TSPEAR: variants seen among roughly 807,000 people sequenced by gnomAD.
TSPEAR encodes the protein thrombospondin type laminin G domain and EAR repeats, also known as thrombospondin-type laminin G domain and EAR repeat-containing protein.
In TSPEAR, 69 loss-of-function variants were observed where a neutral mutation model predicts 71.6. The observed-to-expected ratio is 0.96, with a 90% CI of 0.79 to 1.18. TSPEAR has a LOEUF of 1.18. TSPEAR is among the 50% of genes most tolerant of loss of function. The pLI is 0.00. For synonymous variants in TSPEAR, 402 were observed against 387.2 expected (o/e 1.04, Z -0.45); for missense variants, 971 against 894.9 (o/e 1.09, Z -1.09).
chr21:44,575,408 C>T (rs1385675509), intron 1 of TSPEAR: 1 of 235,180 alleles, frequency 4.3e-6, no homozygotes, highest in Admixed American at 5.2e-5. Context: ...GGCTGGAGCT[C>T]ACGGCCATGG....
chr21:44,504,992 G>T, intron 10 of TSPEAR, 111 bp from the exon 11 acceptor site: 2 of 752,904 alleles, frequency 2.7e-6, no homozygotes, highest in East Asian at 2.5e-5. Flanking sequence ...GGGCCAAAGT[G>T]GGGAGTGATT....
Position 44,531,068 on chromosome 21 carries a change from C to T in TSPEAR, c.608G>A (p.Arg203Gln), listed in dbSNP as rs781964053. 1.9e-5 allele frequency: 30 copies of T among 1,613,536 alleles called. No individual in the cohort carries two copies. The highest frequency in any genetic ancestry group is 3.3e-5 in the Admixed American group (2 of 59,996). ...VKGARFFVGS[R>Q]RRAKGLFMGL... Reference sequence around the variant, plus strand: ...CATGAACAGGCCTTTGGCTCTCCTCCGGCTGCCGACGAAGAATCGAGCTCC... The same window carrying T: ...CATGAACAGGCCTTTGGCTCTCCTCTGGCTGCCGACGAAGAATCGAGCTCC... The change falls in exon 4 of 12, where the codon CGG becomes CAG. Residue 203 changes from arginine to glutamine, a missense_variant. Coordinates refer to ENST00000323084, the MANE Select transcript of TSPEAR (RefSeq NM_144991.3).
intron 1 of TSPEAR, among the ~76,000 whole-genome samples, chr21:44,628,802 G>C (rs1983072277): frequency 6.6e-6 from 1 of 152,204 alleles, no homozygotes; most frequent in African/African-American, 2.4e-5. Flanking sequence ...CACTCGGAGA[G>C]AGCTTGGCCA....
intron 1 of TSPEAR, among the ~76,000 whole-genome samples, chr21:44,700,838 C>T (rs1260214436): frequency 2.6e-5 from 4 of 152,202 alleles, no homozygotes; most frequent in Admixed American, 2.0e-4. Context: ...TGTTTTGAAC[C>T]ACGTAATCCT....
At chr21:44,561,475 G>C (rs233255) in intron 2 of TSPEAR, among the ~76,000 whole-genome samples, 141,510 of 152,270 alleles carry the variant, frequency 0.93, 65,910 homozygotes, top group Non-Finnish European at 0.96. Context: ...CTCCCTAACT[G>C]ATTTTATGAG....
At chr21:44,568,117 T>C in intron 1 of TSPEAR, 112 bp from the exon 2 acceptor site, 1 of 685,014 alleles carries the variant, frequency 1.5e-6, no homozygotes, top group Non-Finnish European at 2.2e-6. Context: ...CATAGCACTA[T>C]AGCCCCTATG....
At position 44,529,953 on chromosome 21, in the gene TSPEAR, C is replaced by T. The variant is rs782559088; in HGVS notation, c.635G>A (p.Gly212Glu). 5.0e-5 allele frequency: 80 copies of T among 1,593,520 alleles called. No homozygotes were observed. The highest frequency in any genetic ancestry group is 6.6e-5 in the Non-Finnish European group (77 of 1,173,784). Residue 212 changes from glycine (G) to glutamate (E), a missense_variant and splice_region_variant, in exon 5 of 12, where the codon GGA becomes GAA. By Grantham distance (98) the Gly-to-Glu change is moderately conservative. Transcript: ENST00000323084. The part of the protein sequence containing the change: ...SRRRAKGLFM[G>E]LVRQLVLLPG... Reference sequence around the variant, plus strand: ...CAGCAGGACCAGTTGCCTCACCAGTCCCTGCAGAGAGAGGGACAGCTCCTT... The same window carrying T: ...CAGCAGGACCAGTTGCCTCACCAGTTCCTGCAGAGAGAGGGACAGCTCCTT...
chr21:44,550,898 G>A (rs781855635), intron 2 of TSPEAR: 6 of 1,468,162 alleles, frequency 4.1e-6, no homozygotes, highest in Non-Finnish European at 4.6e-6. Flanking sequence ...CAGGCTTGCA[G>A]CAGACGGACA....
At position 44,590,312 on chromosome 21, in the gene TSPEAR, G is replaced by T. The variant is rs587694611; in HGVS notation, c.83-22307C>A. On this transcript the variant is annotated intron_variant, in intron 1 of 11. Transcript: ENST00000323084. Reference sequence around the variant, plus strand: ...ACCACGTCTGAGTGCCAGAGCGGAGGGTGGCAGACAGAGCTGAGGGCTATT... The same window carrying T: ...ACCACGTCTGAGTGCCAGAGCGGAGTGTGGCAGACAGAGCTGAGGGCTATT... Among the ~76,000 whole-genome samples the T allele has an allele frequency of 5.9e-5, 9 of 152,272 alleles. No individual in the cohort carries two copies. In the South Asian group the frequency reaches 1.0e-3, roughly 18 times the overall value.
rs1983987217 is a variant in TSPEAR, at chr21:44,640,932, C to A, written c.82+70501G>T. 3.9e-5 allele frequency among the ~76,000 whole-genome samples: 6 copies of A among 152,274 alleles called. No individual in the cohort carries two copies. The South Asian group carries it at 1.2e-3, about 32-fold the overall frequency. On this transcript the variant is annotated intron_variant, in intron 1 of 11. Transcript: ENST00000323084. ...GGAGAACCAGGAAGGGTGGGGTTGG[C>A]CCAGGAGACTCCCAGCCTAGGTCCC...
intron 1 of TSPEAR, among the ~76,000 whole-genome samples, chr21:44,694,860 G>A (rs1601573958): frequency 1.3e-5 from 2 of 152,328 alleles, no homozygotes; most frequent in East Asian, 3.9e-4. Context: ...CTTCCCGTGA[G>A]CCGGTGCAGC....
Position 44,558,311 on chromosome 21 carries a change from T to C in TSPEAR, c.303+9474A>G, listed in dbSNP as rs782287635. On this transcript the variant is annotated intron_variant, in intron 2 of 11. Coordinates refer to ENST00000323084, the MANE Select transcript of TSPEAR (RefSeq NM_144991.3). ...GCTGGCGGCTAGACTGCTGGCAGCA[T>C]GAAGAGGAAGCCCCAGAGCAGACGG... 3.7e-6 allele frequency: 6 copies of C among 1,612,986 alleles called. No individual in the cohort carries two copies. The South Asian group carries it at 4.4e-5, about 12-fold the overall frequency.
intron 4 of TSPEAR, among the ~76,000 whole-genome samples, chr21:44,530,238 C>G (rs1313053412): frequency 6.9e-6 from 1 of 143,996 alleles, no homozygotes; most frequent in Non-Finnish European, 1.5e-5. Context: ...AGCCCATCCA[C>G]CCATCCTGTT....
intron 1 of TSPEAR, among the ~76,000 whole-genome samples, chr21:44,684,513 G>T (rs1392905688): frequency 6.6e-6 from 1 of 152,224 alleles, no homozygotes; most frequent in East Asian, 1.9e-4. Flanking sequence ...CAGCCTGGGT[G>T]ACCAAGCAAG....
chr21:44,678,001 G>A, intron 1 of TSPEAR: 1 of 973,414 alleles, frequency 1.0e-6, no homozygotes, highest in East Asian at 2.4e-5. Flanking sequence ...TCGGCGGCAT[G>A]GTCACAGTGG....
intron 2 of TSPEAR, among the ~76,000 whole-genome samples, chr21:44,534,620 C>G (rs190364359): frequency 1.2e-4 from 19 of 152,156 alleles, no homozygotes; most frequent in Middle Eastern, 3.4e-3. Flanking sequence ...ATGGCTAATG[C>G]CCAAAGAACA....
chr21:44,666,775 C>A (rs782045446), intron 1 of TSPEAR: 3 of 1,612,220 alleles, frequency 1.9e-6, no homozygotes, highest in Non-Finnish European at 2.5e-6. Context: ...TGGCAGCCCA[C>A]AGGCACACAG....
At position 44,676,518 on chromosome 21, in the gene TSPEAR, G is replaced by A. The variant is rs140000644; in HGVS notation, c.82+34915C>T. 1,824 of 764,422 alleles carry A rather than the reference G, an allele frequency of 2.4e-3. 24 individuals carry two copies. The African/African-American group carries it at 0.028, about 12-fold the overall frequency. The allele number at this position is 764,422 out of a possible 1,614,324, so 47.4% of individuals were successfully genotyped here. On this transcript the variant is annotated intron_variant, in intron 1 of 11. Coordinates refer to ENST00000323084, the MANE Select transcript of TSPEAR (RefSeq NM_144991.3). ...CGATTCCTCTGAGTCTGGCATAGGC[G>A]GTATTTATATCCAGAGTAAAGTTGT...
At chr21:44,683,210 T>C (rs1289157281) in intron 1 of TSPEAR, among the ~76,000 whole-genome samples, 4 of 151,148 alleles carry the variant, frequency 2.6e-5, no homozygotes, top group African/African-American at 9.7e-5. Flanking sequence ...GTGTTCCAAG[T>C]TGTAGATGCT....
Sources: allele counts gnomAD v4.1 joint callset (sites outside exome capture counted in the v4.1 genomes callset), GRCh38; gene constraint gnomAD v4.1.1; transcripts MANE v1.5; gene names NCBI Gene and HGNC (gene_info 2026-07-23, HGNC 2026-07-21).